ZMYM1: variants seen among roughly 807,000 people sequenced by gnomAD.
The protein encoded by ZMYM1 is zinc finger MYM-type containing 1, also known as zinc finger MYM-type protein 1.
A neutral mutation model predicts 60.0 loss-of-function variants in ZMYM1; 39 were observed. The ratio of observed to expected loss-of-function variants is 0.65; its 90% CI spans 0.50 to 0.85. ZMYM1 has a LOEUF of 0.85. ZMYM1 is among the 40% of genes least tolerant of loss of function. ZMYM1 has a pLI of 0.00. For synonymous variants in ZMYM1, 413 were observed against 454.0 expected, an observed-to-expected ratio of 0.91 and a Z score of 1.15; for missense variants, 1,171 against 1,309.5, an observed-to-expected ratio of 0.89 and a Z score of 1.63.
chr1:35,075,481 G>A (rs1442063624), upstream of ZMYM1, among the ~76,000 whole-genome samples: 1 of 151,930 alleles, frequency 6.6e-6, no homozygotes, highest in Non-Finnish European at 1.5e-5. Context: ...CCCCGGATTG[G>A]TTTATAGATG....
chr1:35,107,874 C>T lies in ZMYM1; in HGVS notation c.808-2420C>T, dbSNP rs900478447. 3.9e-5 allele frequency among the ~76,000 whole-genome samples: 6 copies of T among 152,236 alleles called. 1 individual carries two copies. The highest frequency in any genetic ancestry group is 2.1e-4 in the South Asian group (1 of 4,822). ...CCTGTAATCCCAGCACTTTGGGAGG[C>T]CAAACGGGAGGATCACTTGAGGTCA... On this transcript the variant is annotated intron_variant, in intron 6 of 9. Coordinates refer to ENST00000359858, the MANE Select transcript of ZMYM1 (RefSeq NM_024772.5).
intron 1 of ZMYM1, among the ~76,000 whole-genome samples, chr1:35,089,522 C>T (rs1642867580): frequency 1.3e-5 from 2 of 152,026 alleles, no homozygotes; most frequent in Admixed American, 1.3e-4. Context: ...GGTGGTTGAG[C>T]CCCAATCACA....
In ZMYM1 at chr1:35,113,763, A is replaced by G. The variant is rs753744524; in HGVS notation, c.1933A>G (p.Ile645Val). 97 of 1,613,966 alleles carry G rather than the reference A, an allele frequency of 6.0e-5. No homozygotes were observed. The highest frequency in any genetic ancestry group is 1.6e-4 in the African/African-American group (12 of 75,058). ...GATCAATGACTCCTCAGCATTTTCAATCATATGTGATGAGACAATCAATAG... is the reference window on the plus strand; with the variant it reads ...GATCAATGACTCCTCAGCATTTTCAGTCATATGTGATGAGACAATCAATAG... Reference protein sequence around the residue: ...NEINDSSAFSIICDETINSAM... With the variant: ...NEINDSSAFSVICDETINSAM... The change falls in exon 10 of 10, where the codon ATC (isoleucine) becomes GTC (valine). Residue 645 changes from isoleucine (I) to valine (V), a missense_variant. Transcript: ENST00000359858.
chr1:35,107,929 T>G (rs867027801), intron 6 of ZMYM1, among the ~76,000 whole-genome samples: 1 of 152,012 alleles, frequency 6.6e-6, no homozygotes, highest in Non-Finnish European at 1.5e-5. Flanking sequence ...GCCAACATGG[T>G]GAAACTCCAT....
In ZMYM1 at chr1:35,113,917, C is replaced by CT; in HGVS notation, c.2088dup (p.Ile697TyrfsTer11). ...ATGACTGGGACCCACTTACATAGGA[C>CT]TATCAAAACTTATCTGCAGCAAATT... On this transcript the variant is annotated frameshift_variant, in exon 10 of 10. Coordinates refer to ENST00000359858, the MANE Select transcript of ZMYM1 (RefSeq NM_024772.5). LOFTEE classifies it low-confidence loss of function (END_TRUNC). 6.2e-7 allele frequency: 1 copy of CT among 1,613,870 alleles called. No homozygotes were observed. Among genetic ancestry groups the CT allele is most frequent in the Non-Finnish European group, 8.5e-7 (1 of 1,179,890 alleles).
chr1:35,096,495 G>T (rs1162228742), intron 3 of ZMYM1, among the ~76,000 whole-genome samples: 2 of 151,462 alleles, frequency 1.3e-5, no homozygotes, highest in African/African-American at 4.8e-5. Flanking sequence ...GGTGGTGCAT[G>T]CCTATAGTCC....
At chr1:35,100,316 C>T (rs1643574231) in intron 4 of ZMYM1, among the ~76,000 whole-genome samples, 1 of 151,678 alleles carries the variant, frequency 6.6e-6, no homozygotes, top group African/African-American at 2.4e-5. Context: ...CATTTTAAAT[C>T]TTATTAGAAA....
chr1:35,090,004 A>C (rs1642907809), intron 1 of ZMYM1, among the ~76,000 whole-genome samples: 1 of 150,562 alleles, frequency 6.6e-6, no homozygotes, highest in African/African-American at 2.5e-5. Flanking sequence ...TCCCGGGCTC[A>C]TGCCATTCTC....
At chr1:35,078,488 A>C (rs540710028), upstream of ZMYM1, among the ~76,000 whole-genome samples, 69 of 151,354 alleles carry the variant, frequency 4.6e-4, no homozygotes, top group Non-Finnish European at 9.4e-4. Context: ...TTGTCAAAAA[A>C]CATTTAAAAT....
chr1:35,109,155 GGGACTACAGGC>G (rs1404858216), intron 6 of ZMYM1, among the ~76,000 whole-genome samples: 3 of 152,050 alleles, frequency 2.0e-5, no homozygotes, highest in African/African-American at 7.2e-5. Flanking sequence ...ACAAGTAAAT[GGGACTACAGGC>G]GCACGCCACC....
intron 1 of ZMYM1, among the ~76,000 whole-genome samples, chr1:35,081,673 C>G (rs1642394111): frequency 6.6e-6 from 1 of 151,790 alleles, no homozygotes. Flanking sequence ...TTTTTCTGTT[C>G]TAGTATAAAG....
chr1:35,076,660 C>T (rs1470452419), upstream of ZMYM1, among the ~76,000 whole-genome samples: 1 of 148,544 alleles, frequency 6.7e-6, no homozygotes, highest in Non-Finnish European at 1.5e-5. Context: ...CAGCCAGGCA[C>T]GTTGACTCAC....
In ZMYM1 at chr1:35,113,433, G is replaced by A; in HGVS notation, c.1603G>A (p.Ala535Thr). 6.2e-7 allele frequency: 1 copy of A among 1,613,808 alleles called. No homozygotes were observed. Among genetic ancestry groups the A allele is most frequent in the East Asian group, 2.2e-5 (1 of 44,850 alleles). The change falls in exon 10 of 10, where the codon GCT becomes ACT. Residue 535 changes from alanine to threonine, a missense_variant. By Grantham distance (58) the Ala-to-Thr change is moderately conservative. Coordinates refer to ENST00000359858, the MANE Select transcript of ZMYM1 (RefSeq NM_024772.5). The stretch of plus-strand genomic sequence containing the variant: ...GAGAGAATACCAATTTTGTGATGGA[G>A]CTGTCAGTGACGATTTATCTATTCA... ...FWREYQFCDG[A>T]VSDDLSIHSK... is the part of the protein sequence containing the mutation.
chr1:35,106,601 T>A (rs1570007875), intron 6 of ZMYM1, among the ~76,000 whole-genome samples: 2 of 99,250 alleles, frequency 2.0e-5, no homozygotes, highest in Non-Finnish European at 1.8e-5. Flanking sequence ...AGAGTGAGAC[T>A]CCGTCTCAAA....
At chr1:35,089,686 C>T (rs1642879816) in intron 1 of ZMYM1, among the ~76,000 whole-genome samples, 2 of 149,584 alleles carry the variant, frequency 1.3e-5, no homozygotes, top group African/African-American at 4.9e-5. Flanking sequence ...ACTTCAACTT[C>T]TCCACATTTG....
chr1:35,069,495 C>T (rs1242610652), intron 1 of ZMYM1, among the ~76,000 whole-genome samples: 2 of 152,060 alleles, frequency 1.3e-5, no homozygotes, highest in Non-Finnish European at 2.9e-5. Context: ...AACCTTTTGT[C>T]AGATGTATAG....
intron 1 of ZMYM1, among the ~76,000 whole-genome samples, chr1:35,065,116 T>C (rs1420687848): frequency 2.0e-5 from 3 of 152,280 alleles, no homozygotes; most frequent in Non-Finnish European, 4.4e-5. Flanking sequence ...CAATTGACCC[T>C]TCAACAATAT....
At chr1:35,100,678 A>T (rs1051012053) in intron 4 of ZMYM1, among the ~76,000 whole-genome samples, 1 of 151,996 alleles carries the variant, frequency 6.6e-6, no homozygotes, top group Non-Finnish European at 1.5e-5. Context: ...AAGAAGTGTC[A>T]TTTCTTCACT....
At chr1:35,111,732 A>T in intron 7 of ZMYM1, 40 bp from the exon 8 acceptor site, 1 of 1,525,716 alleles carries the variant, frequency 6.6e-7, no homozygotes, top group East Asian at 2.3e-5. Context: ...CTGATGATTG[A>T]TTTTGCCTTG....
Sources: gnomAD v4.1 joint callset for allele counts (sites outside exome capture counted in the v4.1 genomes callset) on GRCh38, gnomAD v4.1.1 for gene constraint, MANE v1.5 for transcripts, NCBI Gene and HGNC (gene_info 2026-07-23, HGNC 2026-07-21) for gene names.